The following RBFOX1 variants were observed in gnomAD, a reference collection of about 807,000 sequenced individuals.
The protein encoded by RBFOX1 is RNA binding protein fox-1 homolog 1.
In RBFOX1, 8 loss-of-function variants were observed where a neutral mutation model predicts 57.7. The observed-to-expected ratio is 0.14, with a 90% CI of 0.08 to 0.25. RBFOX1 has a LOEUF of 0.25. Ranked by LOEUF, RBFOX1 falls within the 10% of genes least tolerant of loss-of-function variation. The pLI is 1.00. For missense variants in RBFOX1, 611 were observed against 548.5 expected (o/e 1.11, Z -1.14); for synonymous variants, 326 against 222.4 (o/e 1.47, Z -4.15).
chr16:5,951,701 C>G (rs974255523), intron 4 of RBFOX1, among the ~76,000 whole-genome samples: 1 of 152,050 alleles, frequency 6.6e-6, no homozygotes, highest in African/African-American at 2.4e-5. Context: ...CTCATCTTCA[C>G]AGGTAGCCAC....
chr16:6,910,579 C>T (rs972992699), intron 3 of RBFOX1, among the ~76,000 whole-genome samples: 2 of 152,148 alleles, frequency 1.3e-5, no homozygotes, highest in Non-Finnish European at 2.9e-5. Flanking sequence ...AAATCAAAGC[C>T]TCAGCAGGGC....
At chr16:5,727,363 G>T (rs1026768518) in intron 3 of RBFOX1, among the ~76,000 whole-genome samples, 1 of 152,158 alleles carries the variant, frequency 6.6e-6, no homozygotes, top group Non-Finnish European at 1.5e-5. Context: ...AGCATTTAAT[G>T]ACTGACAAAT....
At chr16:6,391,712 G>A (rs1352291757) in intron 2 of RBFOX1, among the ~76,000 whole-genome samples, 1 of 152,114 alleles carries the variant, frequency 6.6e-6, no homozygotes, top group Non-Finnish European at 1.5e-5. Flanking sequence ...TTTGGATAAA[G>A]TTGACAGAAT....
chr16:5,374,058 C>T (rs1382880025), intron 1 of RBFOX1, among the ~76,000 whole-genome samples: 1 of 151,778 alleles, frequency 6.6e-6, no homozygotes, highest in Non-Finnish European at 1.5e-5. Flanking sequence ...GCTGCGATTA[C>T]AGGCACCTGC....
At chr16:5,253,890 G>A (rs879866125) in intron 1 of RBFOX1, among the ~76,000 whole-genome samples, 37 of 152,166 alleles carry the variant, frequency 2.4e-4, no homozygotes, top group Admixed American at 2.4e-3. Context: ...ATCTGACAGT[G>A]GAGTCACTAC....
intron 4 of RBFOX1, among the ~76,000 whole-genome samples, chr16:7,306,967 A>C (rs2096204028): frequency 6.6e-6 from 1 of 152,218 alleles, no homozygotes; most frequent in Admixed American, 6.5e-5. Context: ...TGGTGAACAG[A>C]AGGGTAATCT....
intron 3 of RBFOX1, among the ~76,000 whole-genome samples, chr16:5,741,075 G>A (rs1433692428): frequency 6.6e-6 from 1 of 152,194 alleles, no homozygotes; most frequent in Admixed American, 6.5e-5. Flanking sequence ...TTGAGACCAG[G>A]AAGGGTGGAG....
chr16:7,460,288 C>T (rs928183968), intron 4 of RBFOX1, among the ~76,000 whole-genome samples: 3 of 149,590 alleles, frequency 2.0e-5, no homozygotes. Context: ...GGAAAATCTC[C>T]CTAGCCAGCC....
intron 4 of RBFOX1, among the ~76,000 whole-genome samples, chr16:7,498,953 T>C (rs1438653162): frequency 6.6e-6 from 1 of 152,212 alleles, no homozygotes; most frequent in African/African-American, 2.4e-5. Flanking sequence ...CTTAGCTGTT[T>C]ACCTAATTGT....
In RBFOX1 at chr16:5,264,752, T is replaced by A. The variant is rs113780965; in HGVS notation, c.219+24647T>A. Reference sequence around the variant, plus strand: ...CAGTGTGAGACTTCTAGCTAGGAGCTTTTAATTCTTAGTACAGGGCTCTCT... The same window carrying A: ...CAGTGTGAGACTTCTAGCTAGGAGCATTTAATTCTTAGTACAGGGCTCTCT... On this transcript the variant is annotated intron_variant, in intron 1 of 2. Coordinates refer to the RBFOX1 transcript ENST00000585867. 2.2e-3 allele frequency among the ~76,000 whole-genome samples: 334 copies of A among 152,176 alleles called. 3 individuals carry two copies. The highest frequency in any genetic ancestry group is 0.018 in the Admixed American group (275 of 15,284).
chr16:6,548,101 T>G (rs975645894), intron 2 of RBFOX1, among the ~76,000 whole-genome samples: 14 of 152,210 alleles, frequency 9.2e-5, no homozygotes, highest in African/African-American at 3.4e-4. Flanking sequence ...AGGATACACA[T>G]ATTTCACATA....
intron 2 of RBFOX1, among the ~76,000 whole-genome samples, chr16:5,579,008 C>A (rs148084375): frequency 3.9e-5 from 6 of 151,906 alleles, no homozygotes; most frequent in Non-Finnish European, 8.8e-5. Context: ...CCATCACGCC[C>A]GGCTAATTTT....
At chr16:7,616,654 C>A (rs1355234763) in intron 10 of RBFOX1, among the ~76,000 whole-genome samples, 1 of 152,120 alleles carries the variant, frequency 6.6e-6, no homozygotes, top group Non-Finnish European at 1.5e-5. Flanking sequence ...ACCTCTGCCT[C>A]CCAGGTAGCT....
chr16:7,501,526 C>T (rs1300479429), intron 4 of RBFOX1, among the ~76,000 whole-genome samples: 2 of 152,168 alleles, frequency 1.3e-5, no homozygotes, highest in South Asian at 2.1e-4. Context: ...CTTTACAATC[C>T]AGTAGCCTCC....
At chr16:6,100,216 G>A (rs1431251890) in intron 1 of RBFOX1, among the ~76,000 whole-genome samples, 1 of 151,998 alleles carries the variant, frequency 6.6e-6, no homozygotes, top group South Asian at 2.1e-4. Flanking sequence ...AGGCTGGAGT[G>A]CAGTGGCCCG....
chr16:7,206,269 G>A (rs59055864), intron 4 of RBFOX1, among the ~76,000 whole-genome samples: 17,635 of 152,074 alleles, frequency 0.12, 1,204 homozygotes, highest in African/African-American at 0.16. Context: ...TGTATGGCAA[G>A]TATCTAAGTT....
intron 2 of RBFOX1, among the ~76,000 whole-genome samples, chr16:5,573,906 A>T (rs982834361): frequency 1.3e-5 from 2 of 152,168 alleles, no homozygotes; most frequent in African/African-American, 4.8e-5. Context: ...GTGAGCTGTG[A>T]TCGCGCCACT....
At chr16:5,629,160 C>T (rs11639759) in intron 3 of RBFOX1, among the ~76,000 whole-genome samples, 14,219 of 152,210 alleles carry the variant, frequency 0.093, 1,200 homozygotes, top group East Asian at 0.39. Context: ...ATTGAGAGTA[C>T]AGGGCTGGAT....
chr16:7,585,987 G>C (rs2094101870), intron 6 of RBFOX1, among the ~76,000 whole-genome samples: 1 of 152,036 alleles, frequency 6.6e-6, no homozygotes, highest in Admixed American at 6.6e-5. Context: ...TCAAGGGAGA[G>C]ATGGAATACA....
Sources: allele counts gnomAD v4.1 joint callset (sites outside exome capture counted in the v4.1 genomes callset), GRCh38; gene constraint gnomAD v4.1.1; transcripts MANE v1.5; gene names NCBI Gene and HGNC (gene_info 2026-07-23, HGNC 2026-07-21).